The following CMTM8 variants were observed in gnomAD, a reference collection of about 807,000 sequenced individuals.
The protein encoded by CMTM8 is CKLF-like MARVEL transmembrane domain-containing protein 8.
CMTM8 carries 12 observed loss-of-function variants against 18.6 expected under a neutral mutation model. The ratio of observed to expected loss-of-function variants is 0.65; its 90% CI spans 0.41 to 1.05. The LOEUF (loss-of-function observed/expected upper bound fraction) is 1.05. Ranked by LOEUF, CMTM8 falls within the 50% of genes least tolerant of loss-of-function variation. The probability of loss-of-function intolerance (pLI) is 0.00; values close to 1 mark genes in which losing one functional copy is unlikely to be tolerated. For synonymous variants in CMTM8, 87 were observed against 90.6 expected (o/e 0.96, Z 0.23); for missense variants, 217 against 227.2 (o/e 0.95, Z 0.29).
intron 1 of CMTM8, among the ~76,000 whole-genome samples, chr3:32,314,968 C>CA (rs1301105172): frequency 4.0e-5 from 6 of 151,490 alleles, no homozygotes; most frequent in Non-Finnish European, 8.8e-5. Flanking sequence ...TAATAAGTGG[C>CA]AAAAAAATTC....
intron 1 of CMTM8, among the ~76,000 whole-genome samples, chr3:32,316,899 T>G (rs1695943633): frequency 6.6e-6 from 1 of 152,232 alleles, no homozygotes. Context: ...CTTCCTATGA[T>G]AGGAGGTTGT....
intron 1 of CMTM8, among the ~76,000 whole-genome samples, chr3:32,255,053 G>A (rs1702159629): frequency 6.6e-6 from 1 of 152,014 alleles, no homozygotes; most frequent in African/African-American, 2.4e-5. Context: ...CTTTCACTTA[G>A]CATAGTATTT....
At chr3:32,334,248 G>T (rs1006453039) in intron 1 of CMTM8, among the ~76,000 whole-genome samples, 1 of 151,750 alleles carries the variant, frequency 6.6e-6, no homozygotes, top group Non-Finnish European at 1.5e-5. Flanking sequence ...AAAGTGCTGG[G>T]ACTACAGGCG....
intron 1 of CMTM8, among the ~76,000 whole-genome samples, chr3:32,248,718 C>T (rs1163806930): frequency 6.6e-6 from 1 of 151,562 alleles, no homozygotes; most frequent in Non-Finnish European, 1.5e-5. Context: ...TGATCTCACT[C>T]TGTTGCCAGC....
At chr3:32,285,568 G>C (rs1440130602) in intron 1 of CMTM8, among the ~76,000 whole-genome samples, 1 of 151,880 alleles carries the variant, frequency 6.6e-6, no homozygotes, top group East Asian at 1.9e-4. Flanking sequence ...AAAAATGGGT[G>C]AAATCTATGT....
At chr3:32,335,483 C>T (rs1250149001) in intron 1 of CMTM8, among the ~76,000 whole-genome samples, 1 of 152,172 alleles carries the variant, frequency 6.6e-6, no homozygotes, top group Non-Finnish European at 1.5e-5. Flanking sequence ...CAGGTAGACT[C>T]ACCTCCACGG....
In CMTM8 at chr3:32,266,709, C is replaced by T. The variant is rs868408024; in HGVS notation, c.147+27590C>T. On this transcript the variant is annotated intron_variant, in intron 1 of 3. Coordinates refer to ENST00000307526, the MANE Select transcript of CMTM8 (RefSeq NM_178868.5). The stretch of plus-strand genomic sequence containing the variant: ...TGATTGTATATCTAGAAAACCCCAT[C>T]ATCTCAGCCCAAAATCTCCTTAAGC... Among the ~76,000 whole-genome samples, 1,067 of 152,300 alleles carry T rather than the reference C, an allele frequency of 7.0e-3. 8 individuals carry two copies. Among genetic ancestry groups the T allele is most frequent in the Non-Finnish European group, 0.011 (737 of 68,014 alleles).
At chr3:32,330,387 A>G (rs1696250364) in intron 1 of CMTM8, among the ~76,000 whole-genome samples, 1 of 152,082 alleles carries the variant, frequency 6.6e-6, no homozygotes, top group African/African-American at 2.4e-5. Context: ...AAGGCAGGAG[A>G]CTTGAGCCTA....
chr3:32,274,879 A>C (rs1213610315), intron 1 of CMTM8, among the ~76,000 whole-genome samples: 2 of 152,146 alleles, frequency 1.3e-5, no homozygotes, highest in Non-Finnish European at 2.9e-5. Context: ...GTGTTTCCTC[A>C]TGAGTAGATT....
intron 1 of CMTM8, among the ~76,000 whole-genome samples, chr3:32,323,785 C>T (rs1696105467): frequency 6.6e-6 from 1 of 152,238 alleles, no homozygotes; most frequent in Admixed American, 6.5e-5. Context: ...TACTTGCCTG[C>T]TTTGGGCAAG....
chr3:32,300,215 G>A (rs1306125921), intron 1 of CMTM8, among the ~76,000 whole-genome samples: 1 of 152,230 alleles, frequency 6.6e-6, no homozygotes, highest in African/African-American at 2.4e-5. Context: ...AATAGGCTGA[G>A]CGGGGGAACC....
At chr3:32,299,234 T>A (rs1695565679) in intron 1 of CMTM8, among the ~76,000 whole-genome samples, 1 of 152,094 alleles carries the variant, frequency 6.6e-6, no homozygotes, top group Admixed American at 6.6e-5. Flanking sequence ...AATGTTAATT[T>A]TTCTTCCTTC....
chr3:32,344,917 G>A (rs1696565883), intron 1 of CMTM8, among the ~76,000 whole-genome samples: 2 of 151,994 alleles, frequency 1.3e-5, no homozygotes, highest in South Asian at 4.1e-4. Flanking sequence ...CCTGACATTT[G>A]TTTTCTTAGT....
intron 1 of CMTM8, among the ~76,000 whole-genome samples, chr3:32,255,425 T>G (rs1224363364): frequency 1.3e-5 from 2 of 152,218 alleles, no homozygotes; most frequent in Admixed American, 1.3e-4. Flanking sequence ...AATCATTGCT[T>G]GGCAGTCATC....
intron 1 of CMTM8, among the ~76,000 whole-genome samples, chr3:32,296,754 G>A (rs927725931): frequency 4.6e-5 from 7 of 152,192 alleles, no homozygotes; most frequent in Admixed American, 2.6e-4. Context: ...CCAGATCTGA[G>A]GTTCCATGGG....
At chr3:32,330,270 G>A (rs1409203298) in intron 1 of CMTM8, among the ~76,000 whole-genome samples, 1 of 143,130 alleles carries the variant, frequency 7.0e-6, no homozygotes, top group African/African-American at 2.6e-5. Context: ...AAGGACCCCA[G>A]AGAGCCAAAA....
At chr3:32,328,549 G>GAAAAA (rs1274680775) in intron 1 of CMTM8, among the ~76,000 whole-genome samples, 1 of 73,130 alleles carries the variant, frequency 1.4e-5, no homozygotes, top group Non-Finnish European at 2.9e-5. Flanking sequence ...GACCAAAAAA[G>GAAAAA]AAAAAAAAAA....
intron 1 of CMTM8, among the ~76,000 whole-genome samples, chr3:32,272,628 T>C (rs1702455237): frequency 2.0e-5 from 3 of 152,340 alleles, no homozygotes; most frequent in Admixed American, 2.0e-4. Flanking sequence ...TAGAAATTCT[T>C]GAACTTTTCC....
At chr3:32,314,526 C>G (rs1407368136) in intron 1 of CMTM8, among the ~76,000 whole-genome samples, 1 of 151,260 alleles carries the variant, frequency 6.6e-6, no homozygotes, top group Admixed American at 6.6e-5. Context: ...GTTGCCCAGG[C>G]TAAAGTGCAG....
Sources: allele counts gnomAD v4.1 joint callset (sites outside exome capture counted in the v4.1 genomes callset), GRCh38; gene constraint gnomAD v4.1.1; transcripts MANE v1.5; gene names NCBI Gene and HGNC (gene_info 2026-07-23, HGNC 2026-07-21).